CCAR2: variants seen among roughly 807,000 people sequenced by gnomAD.
CCAR2 encodes cell cycle and apoptosis regulator 2, also known as cell cycle and apoptosis regulator protein 2.
In CCAR2, 21 loss-of-function variants were observed where a neutral mutation model predicts 108.1. The observed-to-expected ratio is 0.19, with a 90% CI of 0.14 to 0.28. The LOEUF is 0.28. Ranked by LOEUF, CCAR2 falls within the 10% of genes least tolerant of loss-of-function variation. CCAR2 has a pLI of 1.00. For missense variants in CCAR2, 1,126 were observed against 1,177.0 expected, an observed-to-expected ratio of 0.96 and a Z score of 0.63; for synonymous variants, 577 against 472.8, an observed-to-expected ratio of 1.22 and a Z score of -2.86.
chr8:22,619,695 G>C lies in CCAR2; in HGVS notation c.*13G>C. On this transcript the variant is annotated 3_prime_UTR_variant, in exon 21 of 21. Coordinates refer to ENST00000308511, the MANE Select transcript of CCAR2 (RefSeq NM_001393997.1). ...ACCTAGCAACTGACGGCCTCGCACG[G>C]AACTGCCATCCTGTGAGGGCAGCGG... 1 of 1,563,940 alleles carries C rather than the reference G, an allele frequency of 6.4e-7. No individual in the cohort carries two copies. Among genetic ancestry groups the C allele is most frequent in the Non-Finnish European group, 8.7e-7 (1 of 1,153,928 alleles).
intron 7 of CCAR2, among the ~76,000 whole-genome samples, chr8:22,610,994 T>C (rs181695931): frequency 9.0e-4 from 137 of 152,256 alleles, no homozygotes; most frequent in Middle Eastern, 6.8e-3. Context: ...TGGTGACTTA[T>C]TATAAAAATG....
chr8:22,607,584 C>A (rs1021082609), intron 6 of CCAR2, among the ~76,000 whole-genome samples: 2 of 151,378 alleles, frequency 1.3e-5, no homozygotes, highest in African/African-American at 4.9e-5. Context: ...TCTCCTGCCT[C>A]AGCTTCCCCC....
At position 22,616,475 on chromosome 8, in the gene CCAR2, T is replaced by C. The variant is rs1466827300; in HGVS notation, c.1845+227T>C. ...CTGACAGCACAGAAACCCTTGTCAC[T>C]GAGAACGCTTGGCAGAGTGGGGTGC... On this transcript the variant is annotated intron_variant, in intron 14 of 20. Coordinates refer to ENST00000308511, the MANE Select transcript of CCAR2 (RefSeq NM_001393997.1). The C allele has an allele frequency of 7.0e-6, 4 of 571,692 alleles. No homozygotes were observed. The East Asian group carries it at 1.2e-4, about 17-fold the overall frequency. The allele number at this position is 571,692 out of a possible 1,614,324, so 35.4% of individuals were successfully genotyped here.
rs1554563787 is a variant in CCAR2, at chr8:22,620,405, T to TA, written c.*724dup. 1 of 148,782 alleles carries TA rather than the reference T, an allele frequency of 6.7e-6. No homozygotes were observed. The highest frequency in any genetic ancestry group is 1.5e-5 in the Non-Finnish European group (1 of 67,382). 9.2% of individuals were successfully genotyped at this position (148,782 alleles called of 1,614,324 possible). On this transcript the variant is annotated 3_prime_UTR_variant, in exon 21 of 21. Transcript: ENST00000308511. ...TCCGTGGTTTCAGTTTGACTTTGTA[T>TA]ATAAAGTTGGGGTTTTTTTTTTTTT...
intron 6 of CCAR2, 110 bp from the exon 7 acceptor site, chr8:22,607,859 C>T (rs1036263935): frequency 3.8e-6 from 3 of 796,816 alleles, no homozygotes; most frequent in Non-Finnish European, 6.3e-6. Context: ...CTCCTGACCT[C>T]AAGTGATCCA....
chr8:22,618,618 C>T lies in CCAR2; in HGVS notation c.2222C>T (p.Ala741Val), dbSNP rs566681029. ...GATCAGCAGATGTGTTTTCTGCAGG[C>T]CAAGCAGCTGGTCAGCAGGGTGGTG... ...TLGIRLSAEQ[A>V]KQLVSRVVTQ... The change falls in exon 18 of 21, where the codon GCC becomes GTC. Residue 741 changes from alanine to valine, a missense_variant and splice_region_variant. By Grantham distance (64) the Ala-to-Val change is moderately conservative (BLOSUM62 0). Around this residue, in one of 4 missense-constraint regions of CCAR2, gnomAD observed 1,013 missense variants for 993.9 expected, o/e 1.02. Transcript: ENST00000308511. 1 of 1,614,120 alleles carries T rather than the reference C, an allele frequency of 6.2e-7. No individual in the cohort carries two copies. Among genetic ancestry groups the T allele is most frequent in the South Asian group, 1.1e-5 (1 of 91,088 alleles).
chr8:22,607,476 T>TC, intron 6 of CCAR2, 151 bp downstream of exon 6: 1 of 903,024 alleles, frequency 1.1e-6, no homozygotes, highest in Non-Finnish European at 1.6e-6. Flanking sequence ...GGTTTTTTTT[T>TC]TTTTTTTTTT....
At chr8:22,613,929 G>A in intron 8 of CCAR2, 163 bp from the exon 9 acceptor site, 1 of 613,642 alleles carries the variant, frequency 1.6e-6, no homozygotes, top group South Asian at 2.1e-5. Context: ...TCTAGAGTTT[G>A]TAAATTAAGT....
chr8:22,612,940 C>T (rs1426093577), intron 7 of CCAR2, 77 bp from the exon 8 acceptor site: 11 of 1,450,460 alleles, frequency 7.6e-6, no homozygotes, highest in Non-Finnish European at 9.3e-6. Context: ...CGATTGTTTC[C>T]AGTTCTTTTA....
chr8:22,604,893 C>T lies in CCAR2; in HGVS notation c.-39+51C>T, dbSNP rs552362439. 67 of 422,524 alleles carry T rather than the reference C, an allele frequency of 1.6e-4. 1 individual carries two copies. Among genetic ancestry groups the T allele is most frequent in the African/African-American group, 1.3e-3 (63 of 47,456 alleles). The allele number at this position is 422,524 out of a possible 1,614,324, so 26.2% of individuals were successfully genotyped here. A position where few individuals can be genotyped will look rare whatever the true frequency, so the allele number is the denominator to read the frequency against. ...CCTCTGCCCCTTCGCCCCTCCGCCC[C>T]TCCGCTGGCCGAGGGGCTGCGAGGG... On this transcript the variant is annotated intron_variant, in intron 1 of 20. Coordinates refer to ENST00000308511, the MANE Select transcript of CCAR2 (RefSeq NM_001393997.1).
In CCAR2 at chr8:22,619,782, G is replaced by C; in HGVS notation, c.*100G>C. The C allele has an allele frequency of 7.5e-6, 10 of 1,341,870 alleles. No individual in the cohort carries two copies. Among genetic ancestry groups the C allele is most frequent in the Non-Finnish European group, 1.0e-5 (10 of 968,192 alleles). The allele number at this position is 1,341,870 out of a possible 1,614,324, so 83.1% of individuals were successfully genotyped here. A position where few individuals can be genotyped will look rare whatever the true frequency, so the allele number is the denominator to read the frequency against. On this transcript the variant is annotated 3_prime_UTR_variant, in exon 21 of 21. Transcript: ENST00000308511. ...AAAGCAGCGAGAGCGAGACCTGGGA[G>C]CCAGGGCAGGGGTGGCTGACCCCAT...
In CCAR2 at chr8:22,619,241, C is replaced by G; in HGVS notation, c.2613C>G (p.Ala871=). 1.3e-6 allele frequency: 2 copies of G among 1,570,090 alleles called. No individual in the cohort carries two copies. The highest frequency in any genetic ancestry group is 2.3e-5 in the East Asian group (1 of 42,748). Residue 871 remains alanine (A), a synonymous_variant, in exon 20 of 21, where the codon GCC becomes GCG. Transcript: ENST00000308511. The part of the protein sequence containing the change: ...MQELRVRLAE[A]EETARTAERQ... ...AGCTGCGAGTCCGGCTGGCGGAGGC[C>G]GAGGAGACCGCCCGGACGGCGGAGC... is the stretch of plus-strand genomic sequence containing the variant.
intron 11 of CCAR2, 74 bp downstream of exon 11, chr8:22,615,075 C>T: frequency 6.9e-7 from 1 of 1,442,482 alleles, no homozygotes; most frequent in Non-Finnish European, 9.2e-7. Context: ...GGCCCGGTCC[C>T]TGCCCCTTTC....
chr8:22,619,349 G>C lies in CCAR2; in HGVS notation c.2721G>C (p.Val907=). 6 of 1,558,124 alleles carry C rather than the reference G, an allele frequency of 3.9e-6. No homozygotes were observed. The highest frequency in any genetic ancestry group is 5.2e-6 in the Non-Finnish European group (6 of 1,151,742). The change falls in exon 20 of 21, where the codon GTG becomes GTC. Residue 907 remains valine, a synonymous_variant. Coordinates refer to ENST00000308511, the MANE Select transcript of CCAR2 (RefSeq NM_001393997.1). ...TPLQLEIQRV[V]EKADSWVEKE... ...TGCAGCTGGAGATCCAGCGGGTGGT[G>C]GAAAAGGTAAGGTGGGGGTGGACCA... is the stretch of plus-strand genomic sequence containing the variant.
At chr8:22,606,535 G>A in intron 3 of CCAR2, 72 bp from the exon 4 acceptor site, 1 of 1,236,514 alleles carries the variant, frequency 8.1e-7, no homozygotes, top group South Asian at 1.2e-5. Context: ...GTTGAGATGA[G>A]ACCTTCATGG....
chr8:22,610,619 C>T (rs748940212), intron 7 of CCAR2, among the ~76,000 whole-genome samples: 23 of 152,180 alleles, frequency 1.5e-4, no homozygotes, highest in Non-Finnish European at 2.1e-4. Flanking sequence ...GACATCCCAT[C>T]GGGGCTAGAG....
chr8:22,616,896 TG>T (rs796510157), intron 14 of CCAR2, among the ~76,000 whole-genome samples: 8,516 of 32,766 alleles, frequency 0.26, 2,449 homozygotes, highest in Non-Finnish European at 0.3. Context: ...TTTTTTTTTT[TG>T]GGGAGATGGA....
intron 17 of CCAR2, 23 bp downstream of exon 17, chr8:22,618,518 G>A: frequency 1.9e-6 from 3 of 1,614,150 alleles, no homozygotes; most frequent in Non-Finnish European, 2.5e-6. Flanking sequence ...CTCTGCCCCA[G>A]CACATGGGCA....
In CCAR2 at chr8:22,606,709, G is replaced by T; in HGVS notation, c.242+11G>T. On this transcript the variant is annotated intron_variant, in intron 4 of 20. Coordinates refer to ENST00000308511, the MANE Select transcript of CCAR2 (RefSeq NM_001393997.1). ...CTTTTTTCAGCTAAGGTAGGCTTGA[G>T]GTTGGTCCCCTAACGGAAATGCTTA... The T allele has an allele frequency of 6.2e-7, 1 of 1,610,438 alleles. No homozygotes were observed. The highest frequency in any genetic ancestry group is 1.1e-5 in the South Asian group (1 of 90,918).
Sources: allele counts gnomAD v4.1 joint callset (sites outside exome capture counted in the v4.1 genomes callset), GRCh38; gene constraint gnomAD v4.1.1; regional missense constraint gnomAD v4.1.1; transcripts MANE v1.5; gene names NCBI Gene and HGNC (gene_info 2026-07-23, HGNC 2026-07-21).